MALRD1: variants seen among roughly 807,000 people sequenced by gnomAD.
MALRD1 encodes MAM and LDL receptor class A domain containing 1.
Under a neutral mutation model 242.1 loss-of-function variants are expected in MALRD1, and 247 were observed. That is an observed-to-expected ratio of 1.02 (90% CI 0.92 to 1.13). The LOEUF (loss-of-function observed/expected upper bound fraction) is 1.13, where lower values mean the gene tolerates loss of function less well. MALRD1 is among the 50% of genes most tolerant of loss of function. MALRD1 has a pLI of 0.00. For missense variants in MALRD1, 2,989 were observed against 2,533.1 expected (o/e 1.18, Z -3.86); for synonymous variants, 995 against 866.6 (o/e 1.15, Z -2.60).
intron 19 of MALRD1, among the ~76,000 whole-genome samples, chr10:19,263,501 TG>T (rs1473548114): frequency 3.9e-5 from 6 of 152,148 alleles, no homozygotes; most frequent in African/African-American, 1.4e-4. Flanking sequence ...TGTTTTTTTT[TG>T]TTTTGTTTGT....
chr10:19,413,957 A>C (rs35169883), intron 28 of MALRD1, among the ~76,000 whole-genome samples: 1 of 132,434 alleles, frequency 7.6e-6, no homozygotes, highest in Admixed American at 7.5e-5. Context: ...TCTCAAAAAA[A>C]CAAAAACCAA....
rs1369890322 is a variant in MALRD1 at position 19,315,106 on chromosome 10, TAGAA to T, written c.3420-8841_3420-8838del. Among the ~76,000 whole-genome samples the T allele has an allele frequency of 9.2e-4, 129 of 140,130 alleles. 1 individual carries two copies. Among genetic ancestry groups the T allele is most frequent in the African/African-American group, 2.4e-3 (93 of 38,348 alleles). 91.9% of individuals were successfully genotyped at this position (140,130 alleles called of 152,430 possible). A position where few individuals can be genotyped will look rare whatever the true frequency, so the allele number is the denominator to read the frequency against. On this transcript the variant is annotated intron_variant, in intron 21 of 39. Coordinates refer to ENST00000454679, the MANE Select transcript of MALRD1 (RefSeq NM_001142308.3). Reference sequence around the variant, plus strand: ...TATAGAAATATGTAAATATAATTTATAGAAATATGTAAATATAATTTATAGAAAT... The same window carrying T: ...TATAGAAATATGTAAATATAATTTATATATGTAAATATAATTTATAGAAAT...
chr10:19,484,076 G>C (rs554042036), intron 29 of MALRD1, among the ~76,000 whole-genome samples: 1 of 152,118 alleles, frequency 6.6e-6, no homozygotes, highest in Non-Finnish European at 1.5e-5. Context: ...AACCTTGGGT[G>C]CTCATGGACA....
chr10:19,561,835 A>G (rs1403613422), intron 32 of MALRD1, among the ~76,000 whole-genome samples: 1 of 151,802 alleles, frequency 6.6e-6, no homozygotes, highest in Non-Finnish European at 1.5e-5. Flanking sequence ...TTTCCCTCCT[A>G]TACTTTTGTT....
At chr10:19,286,486 C>A (rs996578842) in intron 21 of MALRD1, among the ~76,000 whole-genome samples, 6 of 152,202 alleles carry the variant, frequency 3.9e-5, no homozygotes, top group African/African-American at 7.2e-5. Context: ...TTGTCAAAGG[C>A]TTTTTCTGCA....
rs141803380 is a variant in MALRD1, at chr10:19,498,752, A to G, written c.5320+106A>G. 52 of 1,288,316 alleles carry G rather than the reference A, an allele frequency of 4.0e-5. No individual in the cohort carries two copies. The African/African-American group carries it at 6.1e-4, about 15-fold the overall frequency. The allele number at this position is 1,288,316 out of a possible 1,614,324, so 79.8% of individuals were successfully genotyped here. A position where few individuals can be genotyped will look rare whatever the true frequency, so the allele number is the denominator to read the frequency against. ...GCATTTCTTATGTGTATGTGGGGAC[A>G]GAGCTCAGTAGGTTTTATGGAAAGA... is the stretch of plus-strand genomic sequence containing the variant. On this transcript the variant is annotated intron_variant, in intron 31 of 39. Coordinates refer to ENST00000454679, the MANE Select transcript of MALRD1 (RefSeq NM_001142308.3).
At chr10:19,461,140 G>T (rs904265999) in intron 29 of MALRD1, among the ~76,000 whole-genome samples, 2 of 152,050 alleles carry the variant, frequency 1.3e-5, no homozygotes, top group Admixed American at 6.6e-5. Flanking sequence ...AAAATCAATG[G>T]GCGACAAGAT....
Position 19,539,800 on chromosome 10 carries a change from C to T in MALRD1, c.5478+8449C>T, listed in dbSNP as rs527924510. ...CTCCTGTGCTCAAGTTATCCTCCCA[C>T]GTCAGCCTCCCTAATAGCTGGGACT... On this transcript the variant is annotated intron_variant, in intron 32 of 39. Transcript: ENST00000454679. Among the ~76,000 whole-genome samples the T allele has an allele frequency of 1.3e-3, 192 of 151,480 alleles. 1 individual carries two copies. Among genetic ancestry groups the T allele is most frequent in the African/African-American group, 4.5e-3 (186 of 41,218 alleles).
chr10:19,136,014 G>T (rs1354150544), intron 9 of MALRD1, among the ~76,000 whole-genome samples: 1 of 152,108 alleles, frequency 6.6e-6, no homozygotes, highest in Non-Finnish European at 1.5e-5. Context: ...TTTTATGTAA[G>T]TTGAATAGAG....
chr10:19,290,892 CAG>C (rs1841387262), intron 21 of MALRD1, among the ~76,000 whole-genome samples: 1 of 152,046 alleles, frequency 6.6e-6, no homozygotes, highest in African/African-American at 2.4e-5. Context: ...TATATGATCT[CAG>C]AGTCCTGTAC....
chr10:19,339,329 T>C (rs1843737330), intron 24 of MALRD1, among the ~76,000 whole-genome samples: 1 of 152,148 alleles, frequency 6.6e-6, no homozygotes, highest in African/African-American at 2.4e-5. Flanking sequence ...CTCAGTTCTT[T>C]CCTGAGCTTA....
At chr10:19,566,298 ATTTTTT>A (rs10548629) in intron 32 of MALRD1, among the ~76,000 whole-genome samples, 5 of 111,042 alleles carry the variant, frequency 4.5e-5, no homozygotes, top group East Asian at 2.8e-4. Flanking sequence ...TGCCTGGCTA[ATTTTTT>A]TTTTTTTTTT....
In MALRD1 at chr10:19,582,369, G is replaced by A. The variant is rs1291045196; in HGVS notation, c.5681-12825G>A. ...TTATGGTTTTAGGTCTAACGTTTAA[G>A]TCTTTAATCCATCTTGAATTGATTT... On this transcript the variant is annotated intron_variant, in intron 33 of 39. Coordinates refer to ENST00000454679, the MANE Select transcript of MALRD1 (RefSeq NM_001142308.3). Among the ~76,000 whole-genome samples the A allele has an allele frequency of 2.4e-3, 354 of 148,242 alleles. 2 individuals are homozygous for A. The highest frequency in any genetic ancestry group is 7.1e-3 in the African/African-American group (290 of 40,702).
At chr10:19,410,008 C>A (rs980575579) in intron 28 of MALRD1, among the ~76,000 whole-genome samples, 1 of 152,030 alleles carries the variant, frequency 6.6e-6, no homozygotes, top group African/African-American at 2.4e-5. Flanking sequence ...CTGTAGTCCA[C>A]AATATCATCA....
intron 29 of MALRD1, among the ~76,000 whole-genome samples, chr10:19,468,143 A>G (rs1422364620): frequency 6.6e-6 from 1 of 152,158 alleles, no homozygotes; most frequent in Non-Finnish European, 1.5e-5. Context: ...CACCAAGAGA[A>G]CATCCTGTAT....
intron 18 of MALRD1, among the ~76,000 whole-genome samples, chr10:19,238,575 A>T (rs1186199584): frequency 8.2e-6 from 1 of 122,260 alleles, no homozygotes; most frequent in Non-Finnish European, 1.6e-5. Flanking sequence ...AATATACATA[A>T]TGTATATTAT....
In MALRD1 at chr10:19,509,302, T is replaced by C. The variant is rs553597994; in HGVS notation, c.5320+10656T>C. 2.6e-5 allele frequency among the ~76,000 whole-genome samples: 4 copies of C among 152,288 alleles called. No homozygotes were observed. In the South Asian group the frequency reaches 8.3e-4, roughly 32 times the overall value. ...AAAAACAAGCAAGTTAGAGAAATTA[T>C]CTGATTGACTATAGCTAGGCATCTG... On this transcript the variant is annotated intron_variant, in intron 31 of 39. Transcript: ENST00000454679.
intron 6 of MALRD1, among the ~76,000 whole-genome samples, chr10:19,123,986 G>A (rs1208175196): frequency 6.7e-6 from 1 of 149,202 alleles, no homozygotes; most frequent in African/African-American, 2.5e-5. Flanking sequence ...TGAGAGGATT[G>A]CTTGAGGCCA....
chr10:19,714,886 C>G (rs1008606426), intron 38 of MALRD1, among the ~76,000 whole-genome samples: 1 of 152,150 alleles, frequency 6.6e-6, no homozygotes, highest in African/African-American at 2.4e-5. Context: ...CACCCCTACC[C>G]TGAGATTCCA....
Sources: gnomAD v4.1 joint callset for allele counts (sites outside exome capture counted in the v4.1 genomes callset) on GRCh38, gnomAD v4.1.1 for gene constraint, MANE v1.5 for transcripts, NCBI Gene and HGNC (gene_info 2026-07-23, HGNC 2026-07-21) for gene names.